ARSG: variants seen among roughly 807,000 people sequenced by gnomAD.
ARSG encodes arylsulfatase G.
A neutral mutation model predicts 50.5 loss-of-function variants in ARSG; 37 were observed. The observed-to-expected ratio is 0.73, with a 90% CI of 0.56 to 0.96. The LOEUF is 0.96. Among genes scored for constraint, ARSG ranks in the 50% least tolerant of loss-of-function variants. ARSG has a pLI of 0.00. For missense variants in ARSG, 629 were observed against 675.3 expected (o/e 0.93, Z 0.76); for synonymous variants, 225 against 254.6 (o/e 0.88, Z 1.11).
upstream of ARSG, among the ~76,000 whole-genome samples, chr17:68,287,521 G>GT (rs1310513266): frequency 3.3e-5 from 5 of 152,080 alleles, no homozygotes; most frequent in South Asian, 2.1e-4. Flanking sequence ...TAATTCCTTA[G>GT]TTTTTTTAAA....
downstream of ARSG, chr17:68,424,669 A>G: frequency 2.8e-6 from 1 of 361,888 alleles, no homozygotes; most frequent in South Asian, 2.0e-5. Flanking sequence ...TGAGGTCAGG[A>G]GTTTGAGACC....
At chr17:68,284,103 C>CAAAA (rs1189737736) in intron 1 of ARSG, among the ~76,000 whole-genome samples, 4 of 56,496 alleles carry the variant, frequency 7.1e-5, no homozygotes, top group Non-Finnish European at 1.1e-4. Context: ...GACTCTGTCT[C>CAAAA]AAAAAAAAAA....
At chr17:68,386,506 C>T (rs75716431) in intron 9 of ARSG, among the ~76,000 whole-genome samples, 10,512 of 152,102 alleles carry the variant, frequency 0.069, 845 homozygotes, top group African/African-American at 0.18. Context: ...GTGGGCATCA[C>T]CCCTGGCAGC....
intron 10 of ARSG, among the ~76,000 whole-genome samples, chr17:68,397,694 A>G (rs975394821): frequency 2.0e-5 from 3 of 152,216 alleles, no homozygotes; most frequent in African/African-American, 7.2e-5. Flanking sequence ...GCATACGTCT[A>G]TACATGTGTG....
At position 68,321,641 on chromosome 17, in the gene ARSG, T is replaced by C. The variant is rs181244702; in HGVS notation, c.218+13930T>C. Among the ~76,000 whole-genome samples, 14 of 152,334 alleles carry C rather than the reference T, an allele frequency of 9.2e-5. No individual in the cohort carries two copies. In the East Asian group the frequency reaches 2.1e-3, roughly 23 times the overall value. Reference sequence around the variant, plus strand: ...GCTTAACTTTGCAACGTTATGTCTCTCCGGGGCTTTTGTGGCAGCCTTTCC... The same window carrying C: ...GCTTAACTTTGCAACGTTATGTCTCCCCGGGGCTTTTGTGGCAGCCTTTCC... On this transcript the variant is annotated intron_variant, in intron 2 of 11. Coordinates refer to ENST00000621439, the MANE Select transcript of ARSG (RefSeq NM_001267727.2).
chr17:68,269,045 C>T, intron 1 of ARSG: 1 of 1,591,322 alleles, frequency 6.3e-7, no homozygotes, highest in South Asian at 1.1e-5. Context: ...CCGTTGGGCC[C>T]ACCCCATCCC....
chr17:68,379,925 C>A, intron 8 of ARSG: 1 of 932,376 alleles, frequency 1.1e-6, no homozygotes, highest in Non-Finnish European at 1.3e-6. Context: ...TCTTATATAA[C>A]TGTTCCCACA....
intron 1 of ARSG, among the ~76,000 whole-genome samples, chr17:68,297,752 C>T (rs1299904632): frequency 1.3e-5 from 2 of 152,170 alleles, no homozygotes; most frequent in African/African-American, 2.4e-5. Flanking sequence ...CAGGCGTGAG[C>T]CGCTGTGCCC....
In ARSG at chr17:68,420,403, C is replaced by T; in HGVS notation, c.1518C>T (p.Asp506=). ...TCTCCAGCGCAGATTACACTCAGGACCCTTCAGTAACTCCCTGCTGTAATC... is the reference window on the plus strand; with the variant it reads ...TCTCCAGCGCAGATTACACTCAGGATCCTTCAGTAACTCCCTGCTGTAATC... The part of the protein sequence containing the change: ...DNISSADYTQ[D]PSVTPCCNPY... The change falls in exon 12 of 12, where the codon GAC becomes GAT. Residue 506 remains aspartate (D), a synonymous_variant. Coordinates refer to ENST00000621439, the MANE Select transcript of ARSG (RefSeq NM_001267727.2). The T allele has an allele frequency of 1.2e-6, 2 of 1,614,188 alleles. No individual in the cohort carries two copies. The highest frequency in any genetic ancestry group is 1.7e-6 in the Non-Finnish European group (2 of 1,180,030).
chr17:68,365,267 G>A (rs112096516), intron 6 of ARSG, among the ~76,000 whole-genome samples: 6,323 of 152,296 alleles, frequency 0.042, 462 homozygotes, highest in African/African-American at 0.15. Context: ...AGCCAAGATC[G>A]CGCCACTGCA....
chr17:68,370,454 C>G lies in ARSG; in HGVS notation c.912C>G (p.Gly304=), dbSNP rs1434699978. 6.2e-7 allele frequency: 1 copy of G among 1,614,022 alleles called. No homozygotes were observed. The highest frequency in any genetic ancestry group is 1.1e-5 in the South Asian group (1 of 91,072). Reference sequence around the variant, plus strand: ...TTTTCTGGTTTCTAGGAGACAATGGCCCGTGGGCTCAGAAGTGTGAGCTAG... The same window carrying G: ...TTTTCTGGTTTCTAGGAGACAATGGGCCGTGGGCTCAGAAGTGTGAGCTAG... ...NTFLWFTGDN[G]PWAQKCELAG... is the part of the protein sequence containing the mutation. The change falls in exon 8 of 12, where the codon GGC becomes GGG. Residue 304 remains glycine (G), a synonymous_variant. Coordinates refer to ENST00000621439, the MANE Select transcript of ARSG (RefSeq NM_001267727.2).
Position 68,321,048 on chromosome 17 carries a change from C to T in ARSG, c.218+13337C>T, listed in dbSNP as rs1192241422. Among the ~76,000 whole-genome samples, 3 of 151,942 alleles carry T rather than the reference C, an allele frequency of 2.0e-5. No individual in the cohort carries two copies. In the East Asian group the frequency reaches 5.8e-4, roughly 29 times the overall value. ...TGGATGTGGTGACGTGCGGTGGCTA[C>T]TTAGGAGGCCACCCAGGAGGCTGAG... On this transcript the variant is annotated intron_variant, in intron 2 of 11. Coordinates refer to ENST00000621439, the MANE Select transcript of ARSG (RefSeq NM_001267727.2).
chr17:68,389,728 C>T (rs1459056658), intron 9 of ARSG, among the ~76,000 whole-genome samples: 1 of 152,110 alleles, frequency 6.6e-6, no homozygotes, highest in Non-Finnish European at 1.5e-5. Flanking sequence ...CAAACCTCTC[C>T]TGCCTCTCGC....
In ARSG at chr17:68,399,911, AG is replaced by A. The variant is rs1310939383; in HGVS notation, c.1213-1446del. ...GTGGTGAAGAGGCTTGGCTTTCTGC[AG>A]GGATGGAAGAAGTGAGGGTTTTCAG... On this transcript the variant is annotated intron_variant, in intron 10 of 11. Coordinates refer to ENST00000621439, the MANE Select transcript of ARSG (RefSeq NM_001267727.2). The surrounding 1 kb of genome is among the most constrained non-coding windows in gnomAD (Gnocchi z 4.6). Among the ~76,000 whole-genome samples, 42 of 152,368 alleles carry A rather than the reference AG, an allele frequency of 2.8e-4. No individual in the cohort carries two copies. Among genetic ancestry groups the A allele is most frequent in the African/African-American group, 9.1e-4 (38 of 41,592 alleles).
At chr17:68,308,542 T>G (rs1057236277) in intron 2 of ARSG, among the ~76,000 whole-genome samples, 3 of 152,168 alleles carry the variant, frequency 2.0e-5, no homozygotes, top group Admixed American at 1.3e-4. Context: ...AAAAGCAGTG[T>G]GGACCCAAAG....
In ARSG at chr17:68,401,450, GGTGA is replaced by G; in HGVS notation, c.1303+6_1303+9del. The G allele has an allele frequency of 6.2e-7, 1 of 1,613,490 alleles. No individual in the cohort carries two copies. The highest frequency in any genetic ancestry group is 8.5e-7 in the Non-Finnish European group (1 of 1,179,582). ...GCGTTACAAGGCCTTCTACATTACC[GGTGA>G]GTGAGGGGCCACTTAGCCCTGCCTC... On this transcript the variant is annotated splice_donor_variant and splice_donor_region_variant and intron_variant, in intron 11 of 11. Coordinates refer to ENST00000621439, the MANE Select transcript of ARSG (RefSeq NM_001267727.2). LOFTEE classifies it high-confidence loss of function.
At chr17:68,282,779 TAAA>T (rs36155626) in intron 1 of ARSG, among the ~76,000 whole-genome samples, 974 of 53,396 alleles carry the variant, frequency 0.018, 35 homozygotes, top group African/African-American at 0.084. Flanking sequence ...CCATCTCTAC[TAAA>T]AAAAAAAAAA....
intron 8 of ARSG, among the ~76,000 whole-genome samples, chr17:68,379,574 G>A (rs2080329562): frequency 6.6e-6 from 1 of 151,852 alleles, no homozygotes; most frequent in South Asian, 2.1e-4. Context: ...CACTGCACTG[G>A]GCTGAAAGCC....
At chr17:68,280,851 T>G (rs528600361) in intron 1 of ARSG, among the ~76,000 whole-genome samples, 96 of 152,210 alleles carry the variant, frequency 6.3e-4, no homozygotes, top group Non-Finnish European at 9.3e-4. Flanking sequence ...TGAGGCCAGA[T>G]GTAGTGTGTC....
Sources: allele counts gnomAD v4.1 joint callset (sites outside exome capture counted in the v4.1 genomes callset), GRCh38; gene constraint gnomAD v4.1.1; non-coding constraint Gnocchi (gnomAD v3.1); transcripts MANE v1.5; gene names NCBI Gene and HGNC (gene_info 2026-07-23, HGNC 2026-07-21).